Variants in DNAH12 observed in about 807,000 individuals in gnomAD.
DNAH12 encodes the protein axonemal beta dynein heavy chain 12.
A neutral mutation model predicts 371.5 loss-of-function variants in DNAH12; 285 were observed. That is an observed-to-expected ratio of 0.77 (90% CI 0.70 to 0.85). DNAH12 has a LOEUF of 0.85. Among genes scored for constraint, DNAH12 ranks in the 40% least tolerant of loss-of-function variants. DNAH12 has a pLI of 0.00. For synonymous variants in DNAH12, 1,200 were observed against 1,213.0 expected (o/e 0.99, Z 0.22); for missense variants, 3,611 against 3,689.4 (o/e 0.98, Z 0.55).
At chr3:57,294,193 T>A (rs778133) in intron 73 of DNAH12, among the ~76,000 whole-genome samples, 1 of 142,592 alleles carries the variant, frequency 7.0e-6, no homozygotes, top group Non-Finnish European at 1.5e-5. Flanking sequence ...TTTTTTTTTT[T>A]GGAGACTGAG....
Position 57,296,387 on chromosome 3 carries a change from T to C in DNAH12, c.11581A>G (p.Ile3861Val). Residue 3861 changes from isoleucine to valine, a missense_variant, in exon 72 of 74, where the codon ATC becomes GTC. By Grantham distance (29) the Ile-to-Val change is conservative. Coordinates refer to ENST00000495027, the MANE Select transcript of DNAH12 (RefSeq NM_001366028.2). Reference protein sequence around the residue: ...SDTSPEDGVYIHGLYLDGARW... With the variant: ...SDTSPEDGVYVHGLYLDGARW... Reference sequence around the variant, plus strand: ...GCGCCATCGAGATACAGTCCGTGGATATAAACACCATCTTCTGGTGATGTG... The same window carrying C: ...GCGCCATCGAGATACAGTCCGTGGACATAAACACCATCTTCTGGTGATGTG... The C allele has an allele frequency of 6.4e-7, 1 of 1,550,900 alleles. No homozygotes were observed. The highest frequency in any genetic ancestry group is 8.7e-7 in the Non-Finnish European group (1 of 1,146,594).
chr3:57,347,776 A>G (rs1189188761), intron 60 of DNAH12, among the ~76,000 whole-genome samples: 8 of 152,050 alleles, frequency 5.3e-5, no homozygotes, highest in Admixed American at 1.3e-4. Flanking sequence ...AAGAAGATAT[A>G]TAGTTGGCAA....
At chr3:57,408,648 A>G (rs144642880) in intron 39 of DNAH12, 113 bp from the exon 40 acceptor site, 22,115 of 1,264,814 alleles carry the variant, frequency 0.017, 257 homozygotes, top group Non-Finnish European at 0.021. Context: ...TAAAAGGAAT[A>G]ACTTCAGATA....
Position 57,471,922 on chromosome 3 carries a change from A to T in DNAH12, c.1777-316T>A, listed in dbSNP as rs529641285. ...TCAAGAACTATTAAATATCTTACCTATATTATTACTGGTATTATTATTCTC... is the reference window on the plus strand; with the variant it reads ...TCAAGAACTATTAAATATCTTACCTTTATTATTACTGGTATTATTATTCTC... On this transcript the variant is annotated intron_variant, in intron 14 of 73. Coordinates refer to ENST00000495027, the MANE Select transcript of DNAH12 (RefSeq NM_001366028.2). Among the ~76,000 whole-genome samples the T allele has an allele frequency of 1.9e-3, 290 of 152,216 alleles. 13 individuals are homozygous for T. The South Asian group carries it at 0.057, about 30-fold the overall frequency.
In DNAH12 at chr3:57,301,749, A is replaced by C; in HGVS notation, c.11380T>G (p.Leu3794Val). The change falls in exon 70 of 74, where the codon TTG becomes GTG. Residue 3794 changes from leucine to valine, a missense_variant. By Grantham distance (32) the Leu-to-Val change is conservative. This residue lies in a region of DNAH12 where 2,266 missense variants were observed against 2,236.9 expected (regional missense o/e 1.01). Transcript: ENST00000495027. ...ACACATTTTACCTGTAAAAAGTTCA[A>C]CCGGGCTAGGAAATCTGTGATGTAA... ...GSYITDFLAR[L>V]NFLQDWYNSG... The C allele has an allele frequency of 6.4e-7, 1 of 1,550,408 alleles. No homozygotes were observed. The highest frequency in any genetic ancestry group is 8.7e-7 in the Non-Finnish European group (1 of 1,146,524).
chr3:57,425,444 C>T (rs774676672), intron 34 of DNAH12, among the ~76,000 whole-genome samples: 6 of 151,788 alleles, frequency 4.0e-5, no homozygotes, highest in Non-Finnish European at 8.8e-5. Flanking sequence ...CACTCTGTCA[C>T]GCAGGCTAGA....
intron 19 of DNAH12, among the ~76,000 whole-genome samples, chr3:57,460,548 A>G (rs1465173036): frequency 6.6e-6 from 1 of 152,162 alleles, no homozygotes; most frequent in East Asian, 1.9e-4. Context: ...TGTCTTCTAA[A>G]TTCCCCTTGT....
chr3:57,524,009 T>C, intron 2 of DNAH12, 125 bp from the exon 3 acceptor site: 1 of 562,732 alleles, frequency 1.8e-6, no homozygotes. Flanking sequence ...CTGAATTTTT[T>C]ATGAGAAACA....
intron 4 of DNAH12, among the ~76,000 whole-genome samples, chr3:57,512,137 C>A (rs1301121344): frequency 6.6e-6 from 1 of 151,938 alleles, no homozygotes; most frequent in East Asian, 1.9e-4. Flanking sequence ...GACAATCTGG[C>A]AGAAAATATT....
intron 58 of DNAH12, among the ~76,000 whole-genome samples, chr3:57,357,886 C>T (rs2062836787): frequency 6.6e-6 from 1 of 152,134 alleles, no homozygotes; most frequent in Admixed American, 6.5e-5. Context: ...GTTTTATATA[C>T]AAGAATGCTT....
chr3:57,345,853 C>T (rs913944918), intron 60 of DNAH12, among the ~76,000 whole-genome samples: 2 of 151,998 alleles, frequency 1.3e-5, no homozygotes, highest in African/African-American at 2.4e-5. Flanking sequence ...TTATGACATA[C>T]CTAACCTTTT....
rs1559535166 is a variant in DNAH12, at chr3:57,302,532, TATATATA to T, written c.11190-600_11190-594del. Among the ~76,000 whole-genome samples the T allele has an allele frequency of 8.6e-3, 325 of 37,850 alleles. 26 individuals carry two copies. Among genetic ancestry groups the T allele is most frequent in the Middle Eastern group, 0.032 (2 of 62 alleles). 24.8% of individuals were successfully genotyped at this position (37,850 alleles called of 152,430 possible). A position where few individuals can be genotyped will look rare whatever the true frequency, so the allele number is the denominator to read the frequency against. On this transcript the variant is annotated intron_variant, in intron 69 of 73. Transcript: ENST00000495027. ...TGAATTAACTAAGGCATCAGGTGTA[TATATATA>T]TATATATATATATATATATATATAT...
intron 11 of DNAH12, among the ~76,000 whole-genome samples, chr3:57,490,759 G>C (rs971573818): frequency 1.3e-5 from 2 of 151,932 alleles, no homozygotes; most frequent in African/African-American, 4.8e-5. Context: ...TTGATTCAAA[G>C]ACTATCTTAA....
intron 27 of DNAH12, 103 bp from the exon 28 acceptor site, chr3:57,445,522 A>G: frequency 1.2e-5 from 12 of 1,023,940 alleles, no homozygotes; most frequent in African/African-American, 1.7e-5. Flanking sequence ...TTATTCTCCA[A>G]ATGCAGCACC....
intron 7 of DNAH12, 27 bp downstream of exon 7, chr3:57,508,355 C>A: frequency 6.4e-7 from 1 of 1,565,226 alleles, no homozygotes; most frequent in South Asian, 1.2e-5. Context: ...AGGAGACATT[C>A]AAATTTTAAA....
At chr3:57,388,275 C>T (rs2153345995) in intron 45 of DNAH12, among the ~76,000 whole-genome samples, 1 of 152,208 alleles carries the variant, frequency 6.6e-6, no homozygotes, top group East Asian at 1.9e-4. Flanking sequence ...TATAAAACAG[C>T]ATTCCTTCCC....
rs2063397631 is a variant in DNAH12, at chr3:57,381,820, G to A, written c.7992+442C>T. Among the ~76,000 whole-genome samples, 2 of 151,992 alleles carry A rather than the reference G, an allele frequency of 1.3e-5. 1 individual carries two copies. Among genetic ancestry groups the A allele is most frequent in the South Asian group, 4.2e-4 (2 of 4,812 alleles). ...ATTTAGTTCCAAGCCCATGGTAGTG[G>A]AGAATTCTGCATAGACAGAAAAGGA... On this transcript the variant is annotated intron_variant, in intron 50 of 73. Coordinates refer to ENST00000495027, the MANE Select transcript of DNAH12 (RefSeq NM_001366028.2).
At chr3:57,426,842 A>T (rs112687138) in intron 34 of DNAH12, among the ~76,000 whole-genome samples, 5 of 132,156 alleles carry the variant, frequency 3.8e-5, no homozygotes, top group African/African-American at 5.8e-5. Context: ...AAAAAAAAAA[A>T]AAAAAATCTG....
chr3:57,542,157 G>GT (rs932139590), intron 2 of DNAH12, among the ~76,000 whole-genome samples: 15 of 8,908 alleles, frequency 1.7e-3, no homozygotes, highest in African/African-American at 2.1e-3. Flanking sequence ...CACTAAACTG[G>GT]GGGGGGGGGG....
Sources: allele counts gnomAD v4.1 joint callset (sites outside exome capture counted in the v4.1 genomes callset), GRCh38; gene constraint gnomAD v4.1.1; regional missense constraint gnomAD v4.1.1; transcripts MANE v1.5; gene names NCBI Gene and HGNC (gene_info 2026-07-23, HGNC 2026-07-21).